Variants in HDAC9 observed in about 807,000 individuals in gnomAD.
The protein encoded by HDAC9 is MEF-2 interacting transcription repressor (MITR) protein.
HDAC9 carries 41 observed loss-of-function variants against 139.4 expected under a neutral mutation model. That is an observed-to-expected ratio of 0.29 (90% CI 0.23 to 0.38). The LOEUF (loss-of-function observed/expected upper bound fraction) is 0.38, where lower values mean the gene tolerates loss of function less well. Among genes scored for constraint, HDAC9 ranks in the 10% least tolerant of loss-of-function variants. HDAC9 has a pLI of 1.00. For missense variants in HDAC9, 1,147 were observed against 1,297.0 expected (o/e 0.88, Z 1.78); for synonymous variants, 517 against 476.2 (o/e 1.09, Z -1.12).
In HDAC9 at chr7:18,767,089, G is replaced by T; in HGVS notation, c.2165-17G>T. On this transcript the variant is annotated splice_polypyrimidine_tract_variant and intron_variant, in intron 15 of 25. Coordinates refer to ENST00000686413, the MANE Select transcript of HDAC9 (RefSeq NM_178425.4). The stretch of plus-strand genomic sequence containing the variant: ...ACCTCCATTTATCTATATTTTTTAT[G>T]TCTTCTTACTGTATAGGTGATGACT... 1.5e-6 allele frequency: 2 copies of T among 1,343,242 alleles called. No homozygotes were observed. Among genetic ancestry groups the T allele is most frequent in the Non-Finnish European group, 2.0e-6 (2 of 987,600 alleles). 83.2% of individuals were successfully genotyped at this position (1,343,242 alleles called of 1,614,324 possible). A position where few individuals can be genotyped will look rare whatever the true frequency, so the allele number is the denominator to read the frequency against.
intron 1 of HDAC9, among the ~76,000 whole-genome samples, chr7:18,443,163 C>T (rs1011661187): frequency 6.6e-6 from 1 of 152,102 alleles, no homozygotes; most frequent in Non-Finnish European, 1.5e-5. Context: ...CTACTTTGAC[C>T]TAAATTGGCT....
chr7:18,835,514 C>T lies in HDAC9; in HGVS notation c.2514C>T (p.Pro838=), dbSNP rs769598949. The T allele has an allele frequency of 1.5e-5, 25 of 1,613,600 alleles. No individual in the cohort carries two copies. In the African/African-American group the frequency reaches 2.8e-4, roughly 18 times the overall value. ...CCCAGCAGGCCTTTTATGCTGACCC[C>T]AGCATCCTGTACATTTCACTCCATC... is the stretch of plus-strand genomic sequence containing the variant. ...NGTQQAFYAD[P]SILYISLHRY... Residue 838 remains proline (P), a synonymous_variant, in exon 20 of 26, where the codon CCC becomes CCT. Transcript: ENST00000686413.
intron 12 of HDAC9, among the ~76,000 whole-genome samples, chr7:18,721,579 C>T (rs1562882039): frequency 6.6e-6 from 1 of 152,106 alleles, no homozygotes; most frequent in Non-Finnish European, 1.5e-5. Context: ...TTTATGATTT[C>T]TGTCATTTGC....
chr7:18,122,788 T>C (rs181441031), intron 1 of HDAC9, among the ~76,000 whole-genome samples: 206 of 152,206 alleles, frequency 1.4e-3, no homozygotes, highest in African/African-American at 4.7e-3. Flanking sequence ...CGAGCTAATT[T>C]TTATATCTTT....
At chr7:18,330,234 C>G (rs545745013) in intron 1 of HDAC9, among the ~76,000 whole-genome samples, 2 of 151,652 alleles carry the variant, frequency 1.3e-5, no homozygotes, top group South Asian at 4.2e-4. Context: ...TTTAGTGAAG[C>G]TCTGTGATAA....
chr7:18,802,710 C>CTATT (rs540908105), intron 17 of HDAC9, among the ~76,000 whole-genome samples: 11 of 151,614 alleles, frequency 7.3e-5, no homozygotes, highest in Middle Eastern at 3.4e-3. Flanking sequence ...AAAATTAAGA[C>CTATT]TATTATATGC....
At chr7:18,282,467 A>C (rs943886310) in intron 2 of HDAC9, among the ~76,000 whole-genome samples, 1 of 152,180 alleles carries the variant, frequency 6.6e-6, no homozygotes, top group African/African-American at 2.4e-5. Context: ...GGGGAAATAG[A>C]TGAGAGTGAT....
At chr7:18,658,783 T>TG (rs1792106886) in intron 11 of HDAC9, among the ~76,000 whole-genome samples, 1 of 151,986 alleles carries the variant, frequency 6.6e-6, no homozygotes, top group Admixed American at 6.6e-5. Flanking sequence ...CCTAATCTAT[T>TG]TGTGAATTCA....
chr7:18,515,658 C>A (rs1371036104), intron 2 of HDAC9, among the ~76,000 whole-genome samples: 1 of 152,168 alleles, frequency 6.6e-6, no homozygotes, highest in East Asian at 1.9e-4. Flanking sequence ...TGAGCACATT[C>A]ATTAGCATTT....
chr7:18,281,641 C>T (rs908098940), intron 2 of HDAC9, among the ~76,000 whole-genome samples: 1 of 152,220 alleles, frequency 6.6e-6, no homozygotes, highest in African/African-American at 2.4e-5. Flanking sequence ...GTATTCTAAA[C>T]ACCTTCCTTT....
chr7:18,189,774 C>T (rs1790199467), intron 2 of HDAC9, among the ~76,000 whole-genome samples: 1 of 152,122 alleles, frequency 6.6e-6, no homozygotes, highest in African/African-American at 2.4e-5. Flanking sequence ...AGGTGCAAAC[C>T]AAGTGTCAAA....
intron 22 of HDAC9, among the ~76,000 whole-genome samples, chr7:18,878,343 T>C (rs1799478069): frequency 1.3e-5 from 2 of 152,196 alleles, no homozygotes; most frequent in Admixed American, 1.3e-4. Context: ...AACAAGAATA[T>C]GTTTTTCCTT....
At chr7:18,988,790 T>A (rs1355370611) in intron 25 of HDAC9, among the ~76,000 whole-genome samples, 1 of 151,942 alleles carries the variant, frequency 6.6e-6, no homozygotes, top group South Asian at 2.1e-4. Context: ...GCTCTTCTTG[T>A]TGAATTGACC....
At chr7:18,370,939 A>C (rs564781265) in intron 1 of HDAC9, among the ~76,000 whole-genome samples, 1 of 152,226 alleles carries the variant, frequency 6.6e-6, no homozygotes, top group South Asian at 2.1e-4. Flanking sequence ...TCATCACATA[A>C]ACAGAACCAC....
At chr7:18,858,657 C>T (rs1288089332) in intron 21 of HDAC9, among the ~76,000 whole-genome samples, 4 of 152,096 alleles carry the variant, frequency 2.6e-5, no homozygotes, top group Non-Finnish European at 4.4e-5. Context: ...CATGCTAATC[C>T]AAGTGACAAC....
At chr7:18,577,312 G>C (rs973839458) in intron 2 of HDAC9, among the ~76,000 whole-genome samples, 1 of 152,142 alleles carries the variant, frequency 6.6e-6, no homozygotes, top group Non-Finnish European at 1.5e-5. Context: ...CAAGTCATTT[G>C]CAGTTTCCTT....
At chr7:18,767,390 C>G (rs764278298) in intron 16 of HDAC9, among the ~76,000 whole-genome samples, 15 of 152,240 alleles carry the variant, frequency 9.9e-5, no homozygotes, top group Non-Finnish European at 1.9e-4. Flanking sequence ...AAGAGCAAGG[C>G]CCTTCTAACT....
intron 2 of HDAC9, among the ~76,000 whole-genome samples, chr7:18,583,054 C>G (rs1464972462): frequency 6.6e-6 from 1 of 151,900 alleles, no homozygotes; most frequent in Admixed American, 6.6e-5. Context: ...TTGTTTTGAT[C>G]TAGATGTTTT....
At chr7:18,321,822 A>G (rs1800051668) in intron 1 of HDAC9, among the ~76,000 whole-genome samples, 2 of 152,166 alleles carry the variant, frequency 1.3e-5, no homozygotes, top group African/African-American at 4.8e-5. Context: ...CACTTCTTTT[A>G]AATTGGAGAG....
Sources: allele counts gnomAD v4.1 joint callset (sites outside exome capture counted in the v4.1 genomes callset), GRCh38; gene constraint gnomAD v4.1.1; transcripts MANE v1.5; gene names NCBI Gene and HGNC (gene_info 2026-07-23, HGNC 2026-07-21).